The following SGCZ variants were observed in gnomAD, a reference collection of about 807,000 sequenced individuals.
SGCZ encodes sarcoglycan zeta, also known as zeta-sarcoglycan.
A neutral mutation model predicts 41.3 loss-of-function variants in SGCZ; 40 were observed. That is an observed-to-expected ratio of 0.97 (90% CI 0.75 to 1.26). SGCZ has a LOEUF of 1.26. Ranked by LOEUF, SGCZ falls within the 50% of genes most tolerant of loss-of-function variation. SGCZ has a pLI of 0.00. For missense variants in SGCZ, 552 were observed against 369.8 expected (o/e 1.49, Z -4.04); for synonymous variants, 206 against 137.5 (o/e 1.50, Z -3.49).
At chr8:14,820,768 T>C (rs1362417432) in intron 1 of SGCZ, among the ~76,000 whole-genome samples, 1 of 151,412 alleles carries the variant, frequency 6.6e-6, no homozygotes, top group Non-Finnish European at 1.5e-5. Context: ...TTAAAAGGGA[T>C]CTAAAAATTT....
At chr8:14,274,791 A>G (rs535347845) in intron 3 of SGCZ, among the ~76,000 whole-genome samples, 21 of 152,158 alleles carry the variant, frequency 1.4e-4, no homozygotes, top group Admixed American at 7.2e-4. Flanking sequence ...GAAATAAGAA[A>G]CACTATTATC....
At chr8:15,093,117 C>T (rs1434048048) in intron 1 of SGCZ, among the ~76,000 whole-genome samples, 1 of 151,826 alleles carries the variant, frequency 6.6e-6, no homozygotes, top group African/African-American at 2.4e-5. Context: ...CAGCTGCAGC[C>T]ATAATAAAAA....
intron 3 of SGCZ, among the ~76,000 whole-genome samples, chr8:14,284,365 C>A (rs1215273897): frequency 1.3e-5 from 2 of 152,200 alleles, no homozygotes; most frequent in African/African-American, 4.8e-5. Context: ...GAATTCCAGC[C>A]TGGGTGACAG....
In SGCZ at chr8:14,519,832, G is replaced by C. The variant is rs1585624975; in HGVS notation, c.234+34900C>G. On this transcript the variant is annotated intron_variant, in intron 2 of 7. Coordinates refer to ENST00000382080, the MANE Select transcript of SGCZ (RefSeq NM_139167.4). Reference sequence around the variant, plus strand: ...TTCTAACATTTTAAAATAAAGCGTGGCATACCACTGATCGTGTTTTGTGCT... The same window carrying C: ...TTCTAACATTTTAAAATAAAGCGTGCCATACCACTGATCGTGTTTTGTGCT... 3.3e-5 allele frequency among the ~76,000 whole-genome samples: 5 copies of C among 152,148 alleles called. No individual in the cohort carries two copies. In the South Asian group the frequency reaches 1.0e-3, roughly 32 times the overall value.
chr8:14,930,699 C>T (rs13267870), intron 1 of SGCZ, among the ~76,000 whole-genome samples: 50,872 of 151,756 alleles, frequency 0.34, 9,148 homozygotes, highest in Non-Finnish European at 0.4. Flanking sequence ...ACATGGATGA[C>T]GCTGGAAACC....
At chr8:15,187,028 G>A (rs900881752) in intron 1 of SGCZ, among the ~76,000 whole-genome samples, 4 of 152,024 alleles carry the variant, frequency 2.6e-5, no homozygotes, top group East Asian at 1.9e-4. Context: ...AAAGCATTAC[G>A]TCCAATGATT....
At position 14,237,650 on chromosome 8, in the gene SGCZ, C is replaced by G. The variant is rs191718463; in HGVS notation, c.366G>C (p.Arg122Ser). The part of the protein sequence containing the change: ...KDSPLVLQSD[R>S]NVTVNARNHM... The stretch of plus-strand genomic sequence containing the variant: ...GATTTCTTGCATTCACTGTGACATT[C>G]CTGTCAGACTGTAAGACCAGCGGAC... Residue 122 changes from arginine (R) to serine (S), a missense_variant, in exon 4 of 8, where the codon AGG becomes AGC. Arg to Ser is a moderately radical substitution (Grantham distance 110, BLOSUM62 -1). Coordinates refer to ENST00000382080, the MANE Select transcript of SGCZ (RefSeq NM_139167.4). 1.2e-6 allele frequency: 2 copies of G among 1,613,918 alleles called. No individual in the cohort carries two copies. Among genetic ancestry groups the G allele is most frequent in the Admixed American group, 3.3e-5 (2 of 60,004 alleles).
chr8:14,722,034 G>T (rs1437435189), intron 1 of SGCZ, among the ~76,000 whole-genome samples: 1 of 152,100 alleles, frequency 6.6e-6, no homozygotes, highest in Non-Finnish European at 1.5e-5. Context: ...TCTTTTGAAT[G>T]TCATCTTCTC....
At chr8:14,143,893 C>T (rs1803446357) in intron 5 of SGCZ, among the ~76,000 whole-genome samples, 1 of 152,128 alleles carries the variant, frequency 6.6e-6, no homozygotes, top group African/African-American at 2.4e-5. Context: ...CCTGTTAGAG[C>T]AGAAGGTAAA....
intron 4 of SGCZ, among the ~76,000 whole-genome samples, chr8:14,235,137 T>C (rs1032068295): frequency 6.6e-6 from 1 of 152,104 alleles, no homozygotes; most frequent in Non-Finnish European, 1.5e-5. Flanking sequence ...GAAAACGGAG[T>C]GTCCAAAAGA....
intron 1 of SGCZ, among the ~76,000 whole-genome samples, chr8:14,949,025 A>C (rs1041450186): frequency 6.6e-6 from 1 of 152,068 alleles, no homozygotes; most frequent in Non-Finnish European, 1.5e-5. Flanking sequence ...TTCCCCTCAC[A>C]TACTGCCAAA....
At chr8:14,097,557 A>G (rs1157348108) in intron 7 of SGCZ, among the ~76,000 whole-genome samples, 3 of 152,186 alleles carry the variant, frequency 2.0e-5, no homozygotes, top group African/African-American at 7.2e-5. Context: ...AGAAGAATGT[A>G]TAGTCTGTTG....
chr8:14,422,656 G>A (rs1799666491), intron 2 of SGCZ, among the ~76,000 whole-genome samples: 1 of 152,196 alleles, frequency 6.6e-6, no homozygotes, highest in African/African-American at 2.4e-5. Flanking sequence ...TGGATTTGCT[G>A]AACAAAGAAA....
chr8:15,006,699 A>C (rs1251868497), intron 1 of SGCZ, among the ~76,000 whole-genome samples: 3 of 152,186 alleles, frequency 2.0e-5, no homozygotes, highest in Non-Finnish European at 4.4e-5. Context: ...GATCTGTCAA[A>C]AGATTAATTA....
intron 1 of SGCZ, among the ~76,000 whole-genome samples, chr8:14,872,712 G>A (rs953358081): frequency 1.3e-5 from 2 of 151,904 alleles, no homozygotes; most frequent in African/African-American, 4.8e-5. Flanking sequence ...TGTCTTTCTT[G>A]GAATATTATT....
intron 2 of SGCZ, among the ~76,000 whole-genome samples, chr8:14,357,670 A>T (rs1265746089): frequency 6.6e-6 from 1 of 152,206 alleles, no homozygotes; most frequent in African/African-American, 2.4e-5. Flanking sequence ...TTGACTGTTG[A>T]TTAGGGGCCA....
intron 1 of SGCZ, among the ~76,000 whole-genome samples, chr8:14,672,570 C>T (rs1808139039): frequency 6.6e-6 from 1 of 152,116 alleles, no homozygotes; most frequent in Non-Finnish European, 1.5e-5. Flanking sequence ...ACAGTAGGTG[C>T]TGTAATAACA....
At chr8:15,193,485 G>C (rs1022630754) in intron 1 of SGCZ, among the ~76,000 whole-genome samples, 2 of 151,998 alleles carry the variant, frequency 1.3e-5, no homozygotes, top group Non-Finnish European at 2.9e-5. Flanking sequence ...AGTAGGTACT[G>C]TCAAATGGTA....
intron 1 of SGCZ, among the ~76,000 whole-genome samples, chr8:15,124,379 C>A (rs988772946): frequency 1.3e-5 from 2 of 152,102 alleles, no homozygotes; most frequent in African/African-American, 4.8e-5. Flanking sequence ...AGGCCACAAG[C>A]CTTAATTATT....
Sources: gnomAD v4.1 joint callset for allele counts (sites outside exome capture counted in the v4.1 genomes callset) on GRCh38, gnomAD v4.1.1 for gene constraint, MANE v1.5 for transcripts, NCBI Gene and HGNC (gene_info 2026-07-23, HGNC 2026-07-21) for gene names.